Variants in CLASP1 observed in about 807,000 individuals in gnomAD.
CLASP1 encodes the protein cytoplasmic linker associated protein 1.
Under a neutral mutation model 192.3 loss-of-function variants are expected in CLASP1, and 38 were observed. That is an observed-to-expected ratio of 0.20 (90% CI 0.15 to 0.26). The LOEUF (loss-of-function observed/expected upper bound fraction) is 0.26, where lower values mean the gene tolerates loss of function less well. Ranked by LOEUF, CLASP1 falls within the 10% of genes least tolerant of loss-of-function variation. The probability of loss-of-function intolerance (pLI) is 1.00; values close to 1 mark genes in which losing one functional copy is unlikely to be tolerated. For synonymous variants in CLASP1, 691 were observed against 712.8 expected (o/e 0.97, Z 0.49); for missense variants, 1,433 against 1,932.5 (o/e 0.74, Z 4.85).
At chr2:121,460,036 T>C (rs747115534) in exon 12 of CLASP1, 2 of 1,613,100 alleles carry the variant, frequency 1.2e-6, no homozygotes, top group Non-Finnish European at 1.7e-6. Context: ...TAGCAGAGAG[T>C]TTAAAGGCTC....
At chr2:121,638,660 G>A (rs1576674373) in intron 1 of CLASP1, among the ~76,000 whole-genome samples, 2 of 142,080 alleles carry the variant, frequency 1.4e-5, no homozygotes, top group African/African-American at 2.9e-5. Flanking sequence ...AAAGAATGGT[G>A]TTCTTTTTTA....
intron 11 of CLASP1, among the ~76,000 whole-genome samples, chr2:121,460,479 C>T (rs1045314510): frequency 6.6e-6 from 1 of 152,092 alleles, no homozygotes; most frequent in Non-Finnish European, 1.5e-5. Flanking sequence ...TACCTCCCCG[C>T]GACACCCCAC....
At chr2:121,514,938 A>G (rs2094245677) in intron 7 of CLASP1, among the ~76,000 whole-genome samples, 1 of 152,216 alleles carries the variant, frequency 6.6e-6, no homozygotes, top group South Asian at 2.1e-4. Flanking sequence ...CATGGACAAA[A>G]TGACAGGCTC....
rs1361459587 is a variant in CLASP1, at chr2:121,450,896, G to A, written c.1523+17C>T. 7.1e-6 allele frequency: 11 copies of A among 1,549,676 alleles called. No individual in the cohort carries two copies. The highest frequency in any genetic ancestry group is 2.2e-5 in the East Asian group (1 of 44,510). ...AGAAGAAGTTAATTTAAAAAGTGGTGTACAATAAAAACTTACTTTCTGGCT... is the reference window on the plus strand; with the variant it reads ...AGAAGAAGTTAATTTAAAAAGTGGTATACAATAAAAACTTACTTTCTGGCT... On this transcript the variant is annotated intron_variant, in intron 16 of 39. Transcript: ENST00000263710.
At chr2:121,495,178 C>T (rs1453252332) in intron 8 of CLASP1, among the ~76,000 whole-genome samples, 1 of 151,996 alleles carries the variant, frequency 6.6e-6, no homozygotes, top group African/African-American at 2.4e-5. Context: ...AACAAATTAG[C>T]TGGGCGTGGT....
chr2:121,598,973 C>T (rs2063459665), intron 2 of CLASP1, among the ~76,000 whole-genome samples: 1 of 152,154 alleles, frequency 6.6e-6, no homozygotes, highest in Non-Finnish European at 1.5e-5. Context: ...TCAAGCAATT[C>T]TCCTGCCTCA....
At chr2:121,346,842 T>C (rs1369539397) in intron 39 of CLASP1, among the ~76,000 whole-genome samples, 196 bp downstream of exon 40, 1 of 152,264 alleles carries the variant, frequency 6.6e-6, no homozygotes, top group Non-Finnish European at 1.5e-5. Context: ...CTATGTTGTG[T>C]AATGTCAGTC....
chr2:121,376,450 C>T (rs889803433), intron 34 of CLASP1, among the ~76,000 whole-genome samples: 1 of 125,644 alleles, frequency 8.0e-6, no homozygotes, highest in East Asian at 2.5e-4. Context: ...TATTCTCACT[C>T]ATTTATGGGA....
chr2:121,354,840 T>C (rs1051086513), intron 37 of CLASP1, among the ~76,000 whole-genome samples: 15 of 152,086 alleles, frequency 9.9e-5, no homozygotes, highest in African/African-American at 3.6e-4. Flanking sequence ...GTCAGCAGCA[T>C]TGCTTTCCAG....
At chr2:121,458,742 G>T in intron 13 of CLASP1, 98 bp downstream of exon 13, 1 of 874,892 alleles carries the variant, frequency 1.1e-6, no homozygotes, top group Non-Finnish European at 1.6e-6. Context: ...TAAATTTAAT[G>T]ACTCAATATA....
chr2:121,558,486 C>A (rs911979684), intron 2 of CLASP1, among the ~76,000 whole-genome samples: 18 of 152,120 alleles, frequency 1.2e-4, no homozygotes, highest in Non-Finnish European at 1.5e-5. Flanking sequence ...TCTGTCTTCA[C>A]GAATGGATGA....
At chr2:121,462,692 A>C (rs1038156601) in intron 9 of CLASP1, 87 bp from the exon 10 acceptor site, 1 of 762,950 alleles carries the variant, frequency 1.3e-6, no homozygotes, top group African/African-American at 1.8e-5. Context: ...ACACAATCAA[A>C]ATTACATTTT....
intron 8 of CLASP1, among the ~76,000 whole-genome samples, chr2:121,482,919 AACAG>A (rs1485215788): frequency 2.0e-5 from 3 of 152,160 alleles, no homozygotes; most frequent in Non-Finnish European, 2.9e-5. Context: ...GTAAGATGAA[AACAG>A]ACAGAGCCTT....
intron 8 of CLASP1, among the ~76,000 whole-genome samples, chr2:121,500,368 GAA>G (rs1399268542): frequency 4.4e-5 from 5 of 113,980 alleles, no homozygotes; most frequent in African/African-American, 1.7e-4. Context: ...AAGAAAGAAA[GAA>G]AGAAAGAAAG....
intron 2 of CLASP1, among the ~76,000 whole-genome samples, chr2:121,547,945 C>A (rs1024942888): frequency 6.6e-6 from 1 of 152,198 alleles, no homozygotes; most frequent in Non-Finnish European, 1.5e-5. Flanking sequence ...TCAATCTACA[C>A]TGCAGTTAAA....
intron 14 of CLASP1, among the ~76,000 whole-genome samples, chr2:121,456,450 A>C (rs1247857685): frequency 1.3e-5 from 2 of 151,738 alleles, no homozygotes; most frequent in African/African-American, 4.8e-5. Context: ...GCTGCACTCC[A>C]GCCTGGGTGA....
Position 121,478,761 on chromosome 2 carries a change from A to C in CLASP1, c.713-8801T>G, listed in dbSNP as rs1474606444. Among the ~76,000 whole-genome samples the C allele has an allele frequency of 7.8e-3, 243 of 31,290 alleles. 5 individuals carry two copies. The highest frequency in any genetic ancestry group is 0.045 in the African/African-American group (215 of 4,756). 20.5% of individuals were successfully genotyped at this position (31,290 alleles called of 152,430 possible). A position where few individuals can be genotyped will look rare whatever the true frequency, so the allele number is the denominator to read the frequency against. On this transcript the variant is annotated intron_variant, in intron 8 of 39. Coordinates refer to ENST00000263710, the Ensembl canonical transcript of CLASP1. ...CACACCCCACACACACCACACACAC[A>C]CCACACACCCCACACACACACCCCA...
exon 40 of CLASP1, chr2:121,340,698 A>G: frequency 1.7e-6 from 1 of 602,474 alleles, no homozygotes; most frequent in South Asian, 2.1e-5. Context: ...ATTCAATACC[A>G]GTAAGATTCT....
intron 2 of CLASP1, among the ~76,000 whole-genome samples, chr2:121,567,499 A>C (rs1229725954): frequency 6.6e-6 from 1 of 152,200 alleles, no homozygotes; most frequent in Non-Finnish European, 1.5e-5. Flanking sequence ...CATTTCCAGA[A>C]GCTTTCGCTA....
Sources: allele counts gnomAD v4.1 joint callset (sites outside exome capture counted in the v4.1 genomes callset), GRCh38; gene constraint gnomAD v4.1.1; transcripts MANE v1.5; gene names NCBI Gene and HGNC (gene_info 2026-07-23, HGNC 2026-07-21).